CPEB2: variants seen among roughly 807,000 people sequenced by gnomAD.
CPEB2 encodes cytoplasmic polyadenylation element binding protein 2.
A neutral mutation model predicts 93.6 loss-of-function variants in CPEB2; 56 were observed. That is an observed-to-expected ratio of 0.60 (90% CI 0.48 to 0.75). The LOEUF (loss-of-function observed/expected upper bound fraction) is 0.75, where lower values mean the gene tolerates loss of function less well. Among genes scored for constraint, CPEB2 ranks in the 30% least tolerant of loss-of-function variants. CPEB2 has a pLI of 0.00. For missense variants in CPEB2, 1,579 were observed against 1,395.1 expected (o/e 1.13, Z -2.10); for synonymous variants, 764 against 586.3 (o/e 1.30, Z -4.38).
intron 4 of CPEB2, among the ~76,000 whole-genome samples, chr4:15,023,716 A>G (rs1255772949): frequency 1.3e-5 from 2 of 151,768 alleles, no homozygotes; most frequent in South Asian, 2.1e-4. Context: ...TGTCCACTTC[A>G]GATTCCTGCT....
chr4:15,059,574 C>G (rs1729009478), intron 10 of CPEB2, among the ~76,000 whole-genome samples: 1 of 152,036 alleles, frequency 6.6e-6, no homozygotes, highest in African/African-American at 2.4e-5. Context: ...TAAATACTTC[C>G]GATTTCCTAA....
intron 6 of CPEB2, among the ~76,000 whole-genome samples, chr4:15,041,465 C>T (rs541475848): frequency 2.6e-5 from 4 of 151,614 alleles, no homozygotes; most frequent in Admixed American, 6.6e-5. Flanking sequence ...TGCAGTGGCG[C>T]GATCTCGGCT....
chr4:15,038,280 C>T (rs1443582866), intron 5 of CPEB2, among the ~76,000 whole-genome samples: 3 of 152,120 alleles, frequency 2.0e-5, no homozygotes, highest in Non-Finnish European at 1.5e-5. Flanking sequence ...TATTGAGTAG[C>T]CTCAGCTAAG....
At chr4:15,011,105 T>TC (rs1723416383) in intron 3 of CPEB2, among the ~76,000 whole-genome samples, 2 of 148,190 alleles carry the variant, frequency 1.3e-5, no homozygotes, top group Non-Finnish European at 3.0e-5. Context: ...TCTTTTCTTT[T>TC]TTTTTTTTTT....
At chr4:15,019,276 A>T (rs1011741996) in intron 4 of CPEB2, among the ~76,000 whole-genome samples, 26 of 151,900 alleles carry the variant, frequency 1.7e-4, no homozygotes, top group African/African-American at 6.0e-4. Flanking sequence ...ATCCCTATTT[A>T]AAATTATCTT....
rs1327640974 is a variant in CPEB2, at chr4:15,066,999, G to A, written c.*619G>A. 1 of 152,806 alleles carries A rather than the reference G, an allele frequency of 6.5e-6. No homozygotes were observed. Among genetic ancestry groups the A allele is most frequent in the Non-Finnish European group, 1.5e-5 (1 of 68,306 alleles). 9.5% of individuals were successfully genotyped at this position (152,806 alleles called of 1,614,324 possible). A position where few individuals can be genotyped will look rare whatever the true frequency, so the allele number is the denominator to read the frequency against. ...CTTTGCTGCTATATAGGTGTTATGT[G>A]TAAATGCCACCTATTAATACGGGAC... On this transcript the variant is annotated 3_prime_UTR_variant, in exon 12 of 12. Coordinates refer to ENST00000538197, the MANE Select transcript of CPEB2 (RefSeq NM_001177382.2).
intron 6 of CPEB2, among the ~76,000 whole-genome samples, chr4:15,050,091 A>G (rs1323607729): frequency 2.0e-5 from 3 of 152,334 alleles, no homozygotes; most frequent in Non-Finnish European, 2.9e-5. Flanking sequence ...CAGATACCCA[A>G]CATAAAACCG....
chr4:15,060,539 A>G (rs1201218366), intron 10 of CPEB2, among the ~76,000 whole-genome samples: 1 of 152,056 alleles, frequency 6.6e-6, no homozygotes, highest in Non-Finnish European at 1.5e-5. Flanking sequence ...ACAAAGACTG[A>G]ATCTCATCTT....
intron 3 of CPEB2, among the ~76,000 whole-genome samples, chr4:15,011,163 C>A (rs1388444529): frequency 6.8e-5 from 10 of 147,132 alleles, no homozygotes; most frequent in African/African-American, 2.5e-4. Flanking sequence ...TGCAGTGGCA[C>A]GATCTCGTCT....
Position 15,004,311 on chromosome 4 carries a change from G to C in CPEB2, c.1638G>C (p.Gln546His). ...HQAAAAAFLQ[Q>H]RNSYNHHQPL... ...CGGCGGCCGCCGCCTTCCTGCAGCA[G>C]AGGAACTCCTATAACCACCACCAGG... Residue 546 changes from glutamine (Q) to histidine (H), a missense_variant, in exon 1 of 12, where the codon CAG (glutamine) becomes CAC (histidine). Transcript: ENST00000538197. 1 of 1,490,530 alleles carries C rather than the reference G, an allele frequency of 6.7e-7. No individual in the cohort carries two copies. The highest frequency in any genetic ancestry group is 8.9e-7 in the Non-Finnish European group (1 of 1,128,286). 92.3% of individuals were successfully genotyped at this position (1,490,530 alleles called of 1,614,324 possible). A position where few individuals can be genotyped will look rare whatever the true frequency, so the allele number is the denominator to read the frequency against.
In CPEB2 at chr4:15,003,593, T is replaced by G. The variant is rs1281117617; in HGVS notation, c.920T>G (p.Val307Gly). 2 of 1,476,054 alleles carry G rather than the reference T, an allele frequency of 1.4e-6. No individual in the cohort carries two copies. Among genetic ancestry groups the G allele is most frequent in the Non-Finnish European group, 1.8e-6 (2 of 1,117,882 alleles). The allele number at this position is 1,476,054 out of a possible 1,614,324, so 91.4% of individuals were successfully genotyped here. A position where few individuals can be genotyped will look rare whatever the true frequency, so the allele number is the denominator to read the frequency against. The part of the protein sequence containing the change: ...PNAGLASSTP[V>G]NPAPGSMESP... ...GCGGGCTTGGCCTCCTCGACGCCGG[T>G]GAACCCCGCGCCGGGCTCCATGGAG... Residue 307 changes from valine to glycine, a missense_variant, in exon 1 of 12, where the codon GTG becomes GGG. By Grantham distance (109) the Val-to-Gly change is moderately radical. This residue lies in a region of CPEB2 where 1,411 missense variants were observed against 1,056.0 expected (regional missense o/e 1.34). Coordinates refer to ENST00000538197, the MANE Select transcript of CPEB2 (RefSeq NM_001177382.2).
chr4:15,057,144 C>T (rs1728786446), intron 8 of CPEB2, among the ~76,000 whole-genome samples: 1 of 151,712 alleles, frequency 6.6e-6, no homozygotes, highest in African/African-American at 2.4e-5. Context: ...AAATTAAAGC[C>T]TTAAAAAAAT....
chr4:15,064,794 C>T (rs1379539019), intron 11 of CPEB2, among the ~76,000 whole-genome samples: 1 of 152,016 alleles, frequency 6.6e-6, no homozygotes, highest in Non-Finnish European at 1.5e-5. Flanking sequence ...TTAATTTATT[C>T]TTTGTTTGTA....
rs1264001587 is a variant in CPEB2, at chr4:15,069,595, T to C, written c.*3215T>C. The C allele has an allele frequency of 1.3e-5, 2 of 152,210 alleles. No individual in the cohort carries two copies. The highest frequency in any genetic ancestry group is 4.8e-5 in the African/African-American group (2 of 41,524). The allele number at this position is 152,210 out of a possible 1,614,324, so 9.4% of individuals were successfully genotyped here. On this transcript the variant is annotated 3_prime_UTR_variant, in exon 12 of 12. Transcript: ENST00000538197. ...TGTTTTTTTGGGTTTTATTTTATTT[T>C]AATAGTAGTAAAATACTTGGAATAA...
Position 15,062,219 on chromosome 4 carries a change from G to A in CPEB2, c.2836G>A (p.Ala946Thr). 1 of 1,612,214 alleles carries A rather than the reference G, an allele frequency of 6.2e-7. No individual in the cohort carries two copies. The highest frequency in any genetic ancestry group is 8.5e-7 in the Non-Finnish European group (1 of 1,178,816). ...NQQSYIAAIS[A>T]RFVQLQHGDI... ...GCAGAGCTATATTGCTGCCATTAGT[G>A]CTCGGTTTGTTCAGCTTCAGCATGG... The change falls in exon 11 of 12, where the codon GCT becomes ACT. Residue 946 changes from alanine (A) to threonine (T), a missense_variant. Ala to Thr is a moderately conservative substitution (Grantham distance 58). Coordinates refer to ENST00000538197, the MANE Select transcript of CPEB2 (RefSeq NM_001177382.2).
In CPEB2 at chr4:15,003,403, C is replaced by T. The variant is rs1224773485; in HGVS notation, c.730C>T (p.Leu244Phe). 1.5e-6 allele frequency: 2 copies of T among 1,367,030 alleles called. No individual in the cohort carries two copies. The highest frequency in any genetic ancestry group is 1.9e-6 in the Non-Finnish European group (2 of 1,071,144). 84.7% of individuals were successfully genotyped at this position (1,367,030 alleles called of 1,614,324 possible). Reference sequence around the variant, plus strand: ...GTTCAGCCTCCTGCATCAGCAGCACCTCTCGCCGCAGGACTTCGCCCCGCG... The same window carrying T: ...GTTCAGCCTCCTGCATCAGCAGCACTTCTCGCCGCAGGACTTCGCCCCGCG... ...QQFSLLHQQH[L>F]SPQDFAPRQR... The change falls in exon 1 of 12, where the codon CTC (leucine) becomes TTC (phenylalanine). Residue 244 changes from leucine to phenylalanine, a missense_variant. Physicochemically the swap from Leu to Phe is conservative, Grantham distance 22. Around this residue, in one of 2 missense-constraint regions of CPEB2, gnomAD observed 1,411 missense variants for 1,056.0 expected, o/e 1.34. Transcript: ENST00000538197.
chr4:15,008,510 CTTA>C (rs1289064937), intron 3 of CPEB2, 83 bp downstream of exon 3: 16 of 820,688 alleles, frequency 1.9e-5, no homozygotes, highest in Middle Eastern at 3.6e-4. Flanking sequence ...TATTTACTTT[CTTA>C]TTATACCTAT....
chr4:15,054,119 TTTC>T lies in CPEB2; in HGVS notation c.2372-6_2372-4del, dbSNP rs1560250213. On this transcript the variant is annotated splice_region_variant and splice_polypyrimidine_tract_variant and intron_variant, in intron 7 of 11. Coordinates refer to ENST00000538197, the MANE Select transcript of CPEB2 (RefSeq NM_001177382.2). ...TAATTTCTAATGTGTATTATTGTAC[TTTC>T]TTAAGATGAAATAACTGCTAGCTTC... The T allele has an allele frequency of 6.3e-7, 1 of 1,591,928 alleles. No individual in the cohort carries two copies. The highest frequency in any genetic ancestry group is 2.3e-5 in the East Asian group (1 of 44,432).
At chr4:15,037,590 A>G (rs1468100051) in intron 5 of CPEB2, among the ~76,000 whole-genome samples, 2 of 152,166 alleles carry the variant, frequency 1.3e-5, no homozygotes, top group African/African-American at 4.8e-5. Flanking sequence ...TAGATCCTTA[A>G]TAAGACGATT....
Sources: gnomAD v4.1 joint callset for allele counts (sites outside exome capture counted in the v4.1 genomes callset) on GRCh38, gnomAD v4.1.1 for gene constraint, gnomAD v4.1.1 regional missense constraint, MANE v1.5 for transcripts, NCBI Gene and HGNC (gene_info 2026-07-23, HGNC 2026-07-21) for gene names.